The following GINS2 variants were observed in gnomAD, a reference collection of about 807,000 sequenced individuals.
GINS2 encodes GINS complex subunit 2.
GINS2 carries 23 observed loss-of-function variants against 21.2 expected under a neutral mutation model. The ratio of observed to expected loss-of-function variants is 1.08; its 90% CI spans 0.78 to 1.53. The LOEUF (loss-of-function observed/expected upper bound fraction) is 1.53, where lower values mean the gene tolerates loss of function less well. Among genes scored for constraint, GINS2 ranks in the 40% most tolerant of loss-of-function variants. GINS2 has a pLI of 0.00. For missense variants in GINS2, 323 were observed against 233.9 expected, an observed-to-expected ratio of 1.38 and a Z score of -2.49; for synonymous variants, 118 against 85.6, an observed-to-expected ratio of 1.38 and a Z score of -2.09.
intron 2 of GINS2, 63 bp downstream of exon 2, chr16:85,687,397 G>T (rs1478116208): frequency 3.2e-6 from 3 of 929,736 alleles, no homozygotes; most frequent in Admixed American, 2.8e-5. Flanking sequence ...CACCCCGTGG[G>T]AGAGGGCGTC....
chr16:85,685,349 T>C (rs1189188931), intron 2 of GINS2, among the ~76,000 whole-genome samples: 2 of 152,016 alleles, frequency 1.3e-5, no homozygotes, highest in African/African-American at 2.4e-5. Flanking sequence ...GATGCTGCAT[T>C]AATGGAGCCA....
In GINS2 at chr16:85,676,790, G is replaced by T. The variant is rs531683308; in HGVS notation, c.*1422C>A. On this transcript the variant is annotated 3_prime_UTR_variant, in exon 5 of 5. Transcript: ENST00000253462. Reference sequence around the variant, plus strand: ...GAACTGTGTGAACCCAGGAGTTCGAGGCTGCAGTGAGCTATAATCACGCCA... The same window carrying T: ...GAACTGTGTGAACCCAGGAGTTCGATGCTGCAGTGAGCTATAATCACGCCA... 1 of 152,306 alleles carries T rather than the reference G, an allele frequency of 6.6e-6. No homozygotes were observed. The highest frequency in any genetic ancestry group is 1.9e-4 in the East Asian group (1 of 5,186). The allele number at this position is 152,306 out of a possible 1,614,324, so 9.4% of individuals were successfully genotyped here. A position where few individuals can be genotyped will look rare whatever the true frequency, so the allele number is the denominator to read the frequency against.
At chr16:85,688,225 C>A (rs558005949) in intron 1 of GINS2, among the ~76,000 whole-genome samples, 1 of 151,920 alleles carries the variant, frequency 6.6e-6, no homozygotes, top group Non-Finnish European at 1.5e-5. Context: ...GCCTGGGGAG[C>A]CCAGGAGTTC....
intron 3 of GINS2, among the ~76,000 whole-genome samples, chr16:85,680,012 C>G (rs1336602970): frequency 6.6e-6 from 1 of 152,196 alleles, no homozygotes; most frequent in African/African-American, 2.4e-5. Flanking sequence ...CCGTCCACCT[C>G]CTACAAGTCT....
In GINS2 at chr16:85,676,332, C is replaced by G. The variant is rs930765357; in HGVS notation, c.*1880G>C. 6.6e-6 allele frequency: 1 copy of G among 152,202 alleles called. No individual in the cohort carries two copies. The highest frequency in any genetic ancestry group is 1.5e-5 in the Non-Finnish European group (1 of 68,038). The allele number at this position is 152,202 out of a possible 1,614,324, so 9.4% of individuals were successfully genotyped here. ...AAGAGGAGGGCATTAGGACCCCTTG[C>G]CCTCCACAATAACAAGTGGTTTCAT... On this transcript the variant is annotated 3_prime_UTR_variant, in exon 5 of 5. Coordinates refer to ENST00000253462, the MANE Select transcript of GINS2 (RefSeq NM_016095.3).
chr16:85,688,697 C>G, intron 1 of GINS2, 112 bp downstream of exon 1: 1 of 490,766 alleles, frequency 2.0e-6, no homozygotes, highest in Non-Finnish European at 3.5e-6. Context: ...GAGTGGTGGC[C>G]TCCGCAGATG....
chr16:85,687,080 G>A (rs1247421004), intron 2 of GINS2, among the ~76,000 whole-genome samples: 1 of 152,202 alleles, frequency 6.6e-6, no homozygotes, highest in African/African-American at 2.4e-5. Flanking sequence ...AATTTGCAGG[G>A]TGTGGTGGCG....
intron 2 of GINS2, among the ~76,000 whole-genome samples, chr16:85,685,419 T>C (rs1021615277): frequency 6.6e-6 from 1 of 151,754 alleles, no homozygotes; most frequent in Non-Finnish European, 1.5e-5. Flanking sequence ...CTCACATCTG[T>C]AATCCCAGCA....
rs56847154 is a variant in GINS2 at position 85,682,021 on chromosome 16, C to CTTTTTT, written c.206-346_206-341dup. 5.0e-3 allele frequency among the ~76,000 whole-genome samples: 365 copies of CTTTTTT among 73,382 alleles called. 57 individuals carry two copies. The highest frequency in any genetic ancestry group is 0.021 in the African/African-American group (352 of 17,128). The allele number at this position is 73,382 out of a possible 152,430, so 48.1% of individuals were successfully genotyped here. A position where few individuals can be genotyped will look rare whatever the true frequency, so the allele number is the denominator to read the frequency against. ...CAGCAAAGTGATTTACCTTTACCGCCTTTTTTTTTTTTTTTTTTTTTTTTT... is the reference window on the plus strand; with the variant it reads ...CAGCAAAGTGATTTACCTTTACCGCCTTTTTTTTTTTTTTTTTTTTTTTTTTTTTTT... On this transcript the variant is annotated intron_variant, in intron 2 of 4. Coordinates refer to ENST00000253462, the MANE Select transcript of GINS2 (RefSeq NM_016095.3).
chr16:85,682,662 G>A (rs1293327627), intron 2 of GINS2, among the ~76,000 whole-genome samples: 1 of 152,128 alleles, frequency 6.6e-6, no homozygotes, highest in Non-Finnish European at 1.5e-5. Context: ...TCCTAGAGGG[G>A]TGAAAGCCCA....
rs900018200 is a variant in GINS2 at position 85,676,386 on chromosome 16, G to A, written c.*1826C>T. On this transcript the variant is annotated 3_prime_UTR_variant, in exon 5 of 5. Coordinates refer to ENST00000253462, the MANE Select transcript of GINS2 (RefSeq NM_016095.3). ...AAAAGATCCCCAGATGAAAGCAGGA[G>A]GATTCCAAGGAAGGCTGAGATGAAA... is the stretch of plus-strand genomic sequence containing the variant. The A allele has an allele frequency of 1.3e-5, 2 of 152,212 alleles. No homozygotes were observed. The highest frequency in any genetic ancestry group is 3.8e-4 in the East Asian group (2 of 5,198). The allele number at this position is 152,212 out of a possible 1,614,324, so 9.4% of individuals were successfully genotyped here.
intron 2 of GINS2, among the ~76,000 whole-genome samples, chr16:85,683,431 C>T (rs1281242758): frequency 8.5e-5 from 13 of 152,310 alleles, no homozygotes. Context: ...CTCATTGCTG[C>T]TGTAACTTCC....
intron 1 of GINS2, 162 bp from the exon 2 acceptor site, chr16:85,687,736 T>C: frequency 2.4e-6 from 1 of 422,386 alleles, no homozygotes; most frequent in South Asian, 3.2e-5. Context: ...AAGCGCCTCC[T>C]GAGCGGCTCC....
intron 2 of GINS2, among the ~76,000 whole-genome samples, chr16:85,685,637 G>A (rs1007780150): frequency 8.0e-6 from 1 of 124,966 alleles, no homozygotes; most frequent in African/African-American, 3.0e-5. Flanking sequence ...CATCACTATA[G>A]CCCAGCCTGG....
At position 85,687,550 on chromosome 16, in the gene GINS2, C is replaced by T. The variant is rs1194094080; in HGVS notation, c.115G>A (p.Gly39Ser). Residue 39 changes from glycine to serine, a missense_variant, in exon 2 of 5, where the codon GGT (glycine) becomes AGT (serine). Gly to Ser is a moderately conservative substitution (Grantham distance 56, BLOSUM62 0). Transcript: ENST00000253462. ...CACAGGGGCACTTCCACGGGTAAACCAGGGTTAAAAGGCCCCAGGTCCCCC... is the reference window on the plus strand; with the variant it reads ...CACAGGGGCACTTCCACGGGTAAACTAGGGTTAAAAGGCCCCAGGTCCCCC... ...IGGDLGPFNPGLPVEVPLWLA... is the reference protein window; with the variant it reads ...IGGDLGPFNPSLPVEVPLWLA... The T allele has an allele frequency of 2.5e-6, 4 of 1,581,880 alleles. No individual in the cohort carries two copies. Among genetic ancestry groups the T allele is most frequent in the South Asian group, 2.3e-5 (2 of 85,630 alleles).
chr16:85,685,321 A>C (rs1248291291), intron 2 of GINS2, among the ~76,000 whole-genome samples: 1 of 152,070 alleles, frequency 6.6e-6, no homozygotes, highest in Admixed American at 6.6e-5. Context: ...ACTGATTTTA[A>C]ACAAGGGGCC....
chr16:85,685,199 C>A (rs955950183), intron 2 of GINS2, among the ~76,000 whole-genome samples: 1 of 152,174 alleles, frequency 6.6e-6, no homozygotes, highest in African/African-American at 2.4e-5. Context: ...ATGGCTCCAG[C>A]CCAGGTAAAA....
Position 85,677,096 on chromosome 16 carries a change from C to T in GINS2, c.*1116G>A, listed in dbSNP as rs1438707775. 2 of 151,750 alleles carry T rather than the reference C, an allele frequency of 1.3e-5. No individual in the cohort carries two copies. Among genetic ancestry groups the T allele is most frequent in the Non-Finnish European group, 2.9e-5 (2 of 67,986 alleles). 9.4% of individuals were successfully genotyped at this position (151,750 alleles called of 1,614,324 possible). On this transcript the variant is annotated 3_prime_UTR_variant, in exon 5 of 5. Coordinates refer to ENST00000253462, the MANE Select transcript of GINS2 (RefSeq NM_016095.3). Reference sequence around the variant, plus strand: ...CCATGTTAGCCAGGATAGTCTCAATCTCCTGGCCTTGTGATCCACCTGCCT... The same window carrying T: ...CCATGTTAGCCAGGATAGTCTCAATTTCCTGGCCTTGTGATCCACCTGCCT...
intron 2 of GINS2, among the ~76,000 whole-genome samples, chr16:85,684,240 G>A (rs2053757121): frequency 6.6e-6 from 1 of 152,168 alleles, no homozygotes; most frequent in Non-Finnish European, 1.5e-5. Flanking sequence ...AAGCAGAAGT[G>A]GGAGGATCGC....
Sources: gnomAD v4.1 joint callset for allele counts (sites outside exome capture counted in the v4.1 genomes callset) on GRCh38, gnomAD v4.1.1 for gene constraint, MANE v1.5 for transcripts, NCBI Gene and HGNC (gene_info 2026-07-23, HGNC 2026-07-21) for gene names.